VPS13A: variants seen among roughly 807,000 people sequenced by gnomAD.
VPS13A encodes the protein vacuolar protein sorting 13 homolog A.
VPS13A carries 264 observed loss-of-function variants against 390.9 expected under a neutral mutation model. The ratio of observed to expected loss-of-function variants is 0.68; its 90% CI spans 0.61 to 0.75. The LOEUF (loss-of-function observed/expected upper bound fraction) is 0.75. Ranked by LOEUF, VPS13A falls within the 30% of genes least tolerant of loss-of-function variation. VPS13A has a pLI of 0.00. For missense variants in VPS13A, 3,409 were observed against 3,733.9 expected (o/e 0.91, Z 2.27); for synonymous variants, 1,231 against 1,227.1 (o/e 1.00, Z -0.07).
At chr9:77,207,252 T>TATACGTATATATATATATAA in intron 5 of VPS13A, among the ~76,000 whole-genome samples, 2 of 87,274 alleles carry the variant, frequency 2.3e-5, no homozygotes, top group East Asian at 3.7e-4. Context: ...TATATATATA[T>TATACGTATATATATATATAA]AAAACGTGTT....
chr9:77,365,850 A>G (rs1832398336), intron 60 of VPS13A, among the ~76,000 whole-genome samples: 1 of 152,108 alleles, frequency 6.6e-6, no homozygotes, highest in Non-Finnish European at 1.5e-5. Flanking sequence ...AATTTTGCAT[A>G]TGATGATTTG....
intron 25 of VPS13A, 86 bp downstream of exon 25, chr9:77,275,738 G>A: frequency 4.8e-6 from 7 of 1,444,526 alleles, no homozygotes; most frequent in Admixed American, 1.8e-5. Context: ...TTGTTAAGAA[G>A]CACTATCTTT....
chr9:77,377,391 T>C (rs1833162861), intron 67 of VPS13A, among the ~76,000 whole-genome samples: 1 of 151,830 alleles, frequency 6.6e-6, no homozygotes. Context: ...GGCTAATTTT[T>C]TGTATTTTTA....
In VPS13A at chr9:77,395,767, C is replaced by A. The variant is rs1233628812; in HGVS notation, c.9190-7469C>A. 3.9e-5 allele frequency: 6 copies of A among 152,056 alleles called. No homozygotes were observed. In the East Asian group the frequency reaches 1.2e-3, roughly 29 times the overall value. The allele number at this position is 152,056 out of a possible 1,614,324, so 9.4% of individuals were successfully genotyped here. Reference sequence around the variant, plus strand: ...CATTATATAAATTCCTCATTTTTGTCCTCTTTGGCAAGACAAAATCTATTC... The same window carrying A: ...CATTATATAAATTCCTCATTTTTGTACTCTTTGGCAAGACAAAATCTATTC... On this transcript the variant is annotated intron_variant, in intron 68 of 71. Transcript: ENST00000360280.
chr9:77,276,540 AC>A (rs909897374), intron 26 of VPS13A, among the ~76,000 whole-genome samples: 1 of 152,222 alleles, frequency 6.6e-6, no homozygotes, highest in African/African-American at 2.4e-5. Context: ...GTGCTTAAAA[AC>A]AACACAAATT....
intron 24 of VPS13A, among the ~76,000 whole-genome samples, chr9:77,274,006 T>C (rs1826496685): frequency 1.3e-5 from 2 of 152,220 alleles, no homozygotes; most frequent in Non-Finnish European, 2.9e-5. Context: ...TGTAGTCATA[T>C]AAGAAATTTA....
Position 77,177,569 on chromosome 9 carries a change from G to T in VPS13A, c.-136G>T. 1 of 773,624 alleles carries T rather than the reference G, an allele frequency of 1.3e-6. No individual in the cohort carries two copies. Among genetic ancestry groups the T allele is most frequent in the African/African-American group, 1.7e-5 (1 of 58,232 alleles). The allele number at this position is 773,624 out of a possible 1,614,324, so 47.9% of individuals were successfully genotyped here. On this transcript the variant is annotated 5_prime_UTR_variant, in exon 1 of 72. Coordinates refer to ENST00000360280, the MANE Select transcript of VPS13A (RefSeq NM_033305.3). ...CTCGCTGGGCTCGCTAGGGCTGCGC[G>T]TTGGGCCAGCGGGGGCGCCGCAGCT...
chr9:77,358,864 C>A (rs949200163), intron 57 of VPS13A, among the ~76,000 whole-genome samples: 1 of 152,062 alleles, frequency 6.6e-6, no homozygotes, highest in Admixed American at 6.6e-5. Context: ...TCCTGCATAT[C>A]CCTCTTCCCC....
At chr9:77,409,301 A>G (rs1038144381) in intron 71 of VPS13A, among the ~76,000 whole-genome samples, 2 of 152,324 alleles carry the variant, frequency 1.3e-5, no homozygotes, top group South Asian at 2.1e-4. Context: ...CCATCTGTAC[A>G]TCACCATCAT....
chr9:77,335,840 A>G (rs1013529386), intron 46 of VPS13A, among the ~76,000 whole-genome samples: 3 of 152,186 alleles, frequency 2.0e-5, no homozygotes, highest in Admixed American at 1.3e-4. Flanking sequence ...TGACCCAGCA[A>G]TCCCATTACT....
At chr9:77,209,680 T>G (rs1297172287) in intron 6 of VPS13A, 148 bp downstream of exon 6, 2 of 628,280 alleles carry the variant, frequency 3.2e-6, no homozygotes, top group Non-Finnish European at 5.6e-6. Flanking sequence ...TCTATAATTA[T>G]AGTTGTAATT....
chr9:77,278,592 G>A (rs1184679056), intron 26 of VPS13A, among the ~76,000 whole-genome samples: 2 of 152,146 alleles, frequency 1.3e-5, no homozygotes, highest in African/African-American at 4.8e-5. Context: ...AACAAAGTGG[G>A]AACTTTTTTA....
intron 57 of VPS13A, 74 bp from the exon 58 acceptor site, chr9:77,359,256 TGTG>T (rs1831994793): frequency 2.6e-6 from 3 of 1,155,284 alleles, no homozygotes; most frequent in Middle Eastern, 2.0e-4. Flanking sequence ...AATTTTCCAT[TGTG>T]GTGTATATTG....
intron 51 of VPS13A, among the ~76,000 whole-genome samples, 180 bp downstream of exon 51, chr9:77,344,461 TA>T (rs1208323849): frequency 6.6e-6 from 1 of 152,100 alleles, no homozygotes; most frequent in African/African-American, 2.4e-5. Context: ...AATTGTTAAA[TA>T]AAAAGTTAGT....
chr9:77,399,189 A>AC, intron 68 of VPS13A, among the ~76,000 whole-genome samples: 1 of 136,316 alleles, frequency 7.3e-6, no homozygotes, highest in Non-Finnish European at 1.6e-5. Flanking sequence ...AATAAAAAAA[A>AC]AAAAAAAAAA....
intron 71 of VPS13A, among the ~76,000 whole-genome samples, chr9:77,411,324 C>T (rs1470783007): frequency 6.6e-6 from 1 of 152,006 alleles, no homozygotes; most frequent in African/African-American, 2.4e-5. Context: ...TAAATGTCCA[C>T]AAGAGAAAGC....
intron 12 of VPS13A, 31 bp downstream of exon 12, chr9:77,220,414 AT>A: frequency 7.9e-7 from 1 of 1,264,636 alleles, no homozygotes; most frequent in Non-Finnish European, 1.1e-6. Flanking sequence ...TTTTTTTTAG[AT>A]TTTAAAAATA....
intron 56 of VPS13A, 62 bp downstream of exon 56, chr9:77,357,900 T>C: frequency 6.8e-7 from 1 of 1,479,776 alleles, no homozygotes; most frequent in South Asian, 1.1e-5. Context: ...AGAAACCAGA[T>C]CTATTCCCAT....
rs943924553 is a variant in VPS13A at position 77,420,423 on chromosome 9, A to T, written c.*4417A>T. On this transcript the variant is annotated 3_prime_UTR_variant, in exon 72 of 72. Transcript: ENST00000360280. ...TAAATTTTTCCATGTCATTTAAAAA[A>T]TTTTTTACTTTAGAATTACAGATTA... is the stretch of plus-strand genomic sequence containing the variant. The T allele has an allele frequency of 2.0e-5, 3 of 152,094 alleles. No individual in the cohort carries two copies. The highest frequency in any genetic ancestry group is 2.9e-5 in the Non-Finnish European group (2 of 67,986). The allele number at this position is 152,094 out of a possible 1,614,324, so 9.4% of individuals were successfully genotyped here.
Sources: allele counts gnomAD v4.1 joint callset (sites outside exome capture counted in the v4.1 genomes callset), GRCh38; gene constraint gnomAD v4.1.1; transcripts MANE v1.5; gene names NCBI Gene and HGNC (gene_info 2026-07-23, HGNC 2026-07-21).